STT3B: variants seen among roughly 807,000 people sequenced by gnomAD.
STT3B encodes the protein STT3 oligosaccharyltransferase complex catalytic subunit B, also known as dolichyl-diphosphooligosaccharide--protein glycosyltransferase subunit STT3B.
In STT3B, 29 loss-of-function variants were observed where a neutral mutation model predicts 96.8. The observed-to-expected ratio is 0.30, with a 90% CI of 0.22 to 0.41. The LOEUF (loss-of-function observed/expected upper bound fraction) is 0.41. STT3B is among the 10% of genes least tolerant of loss of function. The probability of loss-of-function intolerance (pLI) is 1.00; values close to 1 mark genes in which losing one functional copy is unlikely to be tolerated. For missense variants in STT3B, 640 were observed against 1,022.3 expected, an observed-to-expected ratio of 0.63 and a Z score of 5.10; for synonymous variants, 367 against 360.0, an observed-to-expected ratio of 1.02 and a Z score of -0.22.
At chr3:31,619,632 T>A (rs1315552343) in intron 8 of STT3B, 44 bp from the exon 9 acceptor site, 1 of 1,537,550 alleles carries the variant, frequency 6.5e-7, no homozygotes, top group African/African-American at 1.4e-5. Flanking sequence ...GGAACTCCTG[T>A]TTTATCACTT....
rs1477841295 is a variant in STT3B, at chr3:31,617,054, G to T, written c.1102G>T (p.Val368Phe). The T allele has an allele frequency of 6.2e-7, 1 of 1,608,742 alleles. No individual in the cohort carries two copies. The highest frequency in any genetic ancestry group is 8.5e-7 in the Non-Finnish European group (1 of 1,176,350). The change falls in exon 7 of 16, where the codon GTC (valine) becomes TTC (phenylalanine). Residue 368 changes from valine to phenylalanine, a missense_variant. Around this residue, in one of 8 missense-constraint regions of STT3B, gnomAD observed 267 missense variants for 388.3 expected, o/e 0.69. Coordinates refer to ENST00000295770, the MANE Select transcript of STT3B (RefSeq NM_178862.3). ...SLAAGAVFLSVIYLTYTGYIA... is the reference protein window; with the variant it reads ...SLAAGAVFLSFIYLTYTGYIA... ...AGCTGCAGGTGCTGTGTTCCTTAGT[G>T]TCATCTATTTGACTTATACAGGTAC...
At chr3:31,600,264 A>T in intron 4 of STT3B, 96 bp from the exon 5 acceptor site, 1 of 483,668 alleles carries the variant, frequency 2.1e-6, no homozygotes. Flanking sequence ...CTAAAATCTT[A>T]ATGTTTATAT....
chr3:31,623,457 T>A (rs1559390863), intron 10 of STT3B, among the ~76,000 whole-genome samples: 1 of 152,230 alleles, frequency 6.6e-6, no homozygotes. Context: ...TTTTGCTCTG[T>A]GACCAGTTTC....
intron 1 of STT3B, among the ~76,000 whole-genome samples, chr3:31,535,211 T>A (rs1697057507): frequency 6.6e-6 from 1 of 152,254 alleles, no homozygotes; most frequent in South Asian, 2.1e-4. Context: ...TGGTCATTTT[T>A]CCTTAAGATT....
At chr3:31,551,025 G>T (rs1480586199) in intron 1 of STT3B, among the ~76,000 whole-genome samples, 1 of 152,158 alleles carries the variant, frequency 6.6e-6, no homozygotes, top group Non-Finnish European at 1.5e-5. Context: ...CTATAAGAAA[G>T]ATCTGGTACC....
At chr3:31,598,083 G>T (rs1192511661) in intron 4 of STT3B, among the ~76,000 whole-genome samples, 2 of 151,952 alleles carry the variant, frequency 1.3e-5, no homozygotes, top group Admixed American at 6.6e-5. Flanking sequence ...TGATCTGCCT[G>T]TCTCAGCCTC....
intron 1 of STT3B, among the ~76,000 whole-genome samples, chr3:31,572,573 T>TA (rs1698183623): frequency 6.6e-6 from 1 of 152,206 alleles, no homozygotes; most frequent in Non-Finnish European, 1.5e-5. Context: ...TTTTTAAAAA[T>TA]ATTCTTGGCC....
chr3:31,602,188 G>A (rs147619899), intron 5 of STT3B, among the ~76,000 whole-genome samples: 3 of 152,106 alleles, frequency 2.0e-5, no homozygotes, highest in African/African-American at 7.2e-5. Flanking sequence ...TGTGCCTCTC[G>A]TTTAAACAAA....
intron 5 of STT3B, among the ~76,000 whole-genome samples, chr3:31,610,678 T>TA (rs1328297235): frequency 1.3e-5 from 2 of 152,214 alleles, no homozygotes; most frequent in African/African-American, 4.8e-5. Flanking sequence ...CCCTTGGATA[T>TA]AAAATATTTC....
At chr3:31,623,206 G>A (rs1184636226) in intron 10 of STT3B, among the ~76,000 whole-genome samples, 4 of 152,078 alleles carry the variant, frequency 2.6e-5, no homozygotes, top group Non-Finnish European at 5.9e-5. Context: ...CAAGTCTGTT[G>A]GTTTTAGGGT....
chr3:31,552,027 C>A (rs1697572861), intron 1 of STT3B, among the ~76,000 whole-genome samples: 1 of 152,144 alleles, frequency 6.6e-6, no homozygotes, highest in Non-Finnish European at 1.5e-5. Flanking sequence ...ATTTAGCCTC[C>A]ACATAAGAAC....
At chr3:31,603,556 C>G (rs1698980723) in intron 5 of STT3B, among the ~76,000 whole-genome samples, 1 of 151,992 alleles carries the variant, frequency 6.6e-6, no homozygotes, top group Non-Finnish European at 1.5e-5. Context: ...ACACCCAAAC[C>G]TTATGTTGCA....
intron 3 of STT3B, among the ~76,000 whole-genome samples, chr3:31,592,520 CACA>C (rs1428290236): frequency 6.6e-6 from 1 of 151,970 alleles, no homozygotes; most frequent in Non-Finnish European, 1.5e-5. Context: ...AACTGTTTTC[CACA>C]ACAGCAGTAT....
chr3:31,573,315 A>T (rs1228567616), intron 1 of STT3B, among the ~76,000 whole-genome samples: 1 of 152,218 alleles, frequency 6.6e-6, no homozygotes. Context: ...TTACATTTTG[A>T]AAAGAACTTC....
At chr3:31,610,446 A>C (rs1338414897) in intron 5 of STT3B, among the ~76,000 whole-genome samples, 1 of 150,868 alleles carries the variant, frequency 6.6e-6, no homozygotes, top group Non-Finnish European at 1.5e-5. Flanking sequence ...GTATAACAAT[A>C]ACTTAAAAGT....
At chr3:31,624,887 T>C in intron 11 of STT3B, 27 bp from the exon 12 acceptor site, 1 of 1,584,758 alleles carries the variant, frequency 6.3e-7, no homozygotes, top group Non-Finnish European at 8.6e-7. Context: ...GACATCTCAT[T>C]TAAAAGAGTA....
At chr3:31,585,703 CT>C (rs1464778850) in intron 3 of STT3B, among the ~76,000 whole-genome samples, 10 of 151,946 alleles carry the variant, frequency 6.6e-5, no homozygotes, top group Admixed American at 2.0e-4. Flanking sequence ...TTGGGAGTTT[CT>C]TTTTTAGAAT....
chr3:31,547,951 A>G (rs1342968530), intron 1 of STT3B, among the ~76,000 whole-genome samples: 1 of 152,188 alleles, frequency 6.6e-6, no homozygotes, highest in Non-Finnish European at 1.5e-5. Context: ...TCTTGGATCT[A>G]ATATTCAAAG....
chr3:31,593,666 T>C (rs1359304756), intron 3 of STT3B, among the ~76,000 whole-genome samples: 3 of 152,168 alleles, frequency 2.0e-5, no homozygotes, highest in African/African-American at 7.2e-5. Context: ...GCCTACTTAG[T>C]GAATTTTTTA....
Sources: gnomAD v4.1 joint callset for allele counts (sites outside exome capture counted in the v4.1 genomes callset) on GRCh38, gnomAD v4.1.1 for gene constraint, gnomAD v4.1.1 regional missense constraint, MANE v1.5 for transcripts, NCBI Gene and HGNC (gene_info 2026-07-23, HGNC 2026-07-21) for gene names.